The following NTM variants were observed in gnomAD, a reference collection of about 807,000 sequenced individuals.
NTM encodes the protein neurotrimin, also known as IgLON family member 2.
Under a neutral mutation model 42.1 loss-of-function variants are expected in NTM, and 13 were observed. The observed-to-expected ratio is 0.31, with a 90% confidence interval of 0.20 to 0.49. NTM has a LOEUF of 0.49. Ranked by LOEUF, NTM falls within the 20% of genes least tolerant of loss-of-function variation. The probability of loss-of-function intolerance (pLI) is 0.99; values close to 1 mark genes in which losing one functional copy is unlikely to be tolerated. For synonymous variants in NTM, 187 were observed against 179.2 expected (o/e 1.04, Z -0.35); for missense variants, 373 against 452.8 (o/e 0.82, Z 1.60).
intron 2 of NTM, among the ~76,000 whole-genome samples, chr11:132,117,058 T>C (rs946626024): frequency 3.3e-5 from 5 of 152,198 alleles, no homozygotes; most frequent in African/African-American, 1.2e-4. Context: ...CCCAAAGTCA[T>C]AGAAGTCCAA....
At chr11:131,891,687 A>G (rs1408857977) in intron 1 of NTM, among the ~76,000 whole-genome samples, 1 of 152,162 alleles carries the variant, frequency 6.6e-6, no homozygotes, top group Non-Finnish European at 1.5e-5. Flanking sequence ...TGAGCCTGGC[A>G]GTGTCTATAA....
chr11:131,601,654 A>T (rs936564795), intron 1 of NTM, among the ~76,000 whole-genome samples: 16 of 151,956 alleles, frequency 1.1e-4, no homozygotes, highest in Admixed American at 2.6e-4. Context: ...CCTGGAGCAC[A>T]GTATGAAAAC....
chr11:131,407,961 C>T (rs75615840), intron 1 of NTM, among the ~76,000 whole-genome samples: 4,260 of 152,292 alleles, frequency 0.028, 196 homozygotes, highest in African/African-American at 0.097. Context: ...GGTACTTATT[C>T]ACTGGTTACT....
chr11:131,576,953 C>G (rs2057995454), intron 1 of NTM, among the ~76,000 whole-genome samples: 1 of 152,134 alleles, frequency 6.6e-6, no homozygotes. Context: ...AGCACTGTGC[C>G]TAGCCCATTG....
intron 2 of NTM, among the ~76,000 whole-genome samples, chr11:132,132,001 A>G (rs1205667469): frequency 6.6e-6 from 1 of 152,266 alleles, no homozygotes; most frequent in Non-Finnish European, 1.5e-5. Flanking sequence ...AATAGAGAGC[A>G]TCATCAAAGG....
At chr11:131,956,165 G>A (rs1044256644) in intron 2 of NTM, among the ~76,000 whole-genome samples, 1 of 152,156 alleles carries the variant, frequency 6.6e-6, no homozygotes, top group Non-Finnish European at 1.5e-5. Context: ...CCCAGTCAGG[G>A]CCAGGCGCAG....
At chr11:132,306,065 T>G (rs555579512) in intron 4 of NTM, among the ~76,000 whole-genome samples, 5 of 152,182 alleles carry the variant, frequency 3.3e-5, no homozygotes, top group South Asian at 2.1e-4. Flanking sequence ...GAGGCCCCGG[T>G]TGGGCCTACT....
At chr11:132,263,085 T>C (rs1375487286) in intron 4 of NTM, among the ~76,000 whole-genome samples, 1 of 152,224 alleles carries the variant, frequency 6.6e-6, no homozygotes, top group Non-Finnish European at 1.5e-5. Context: ...CCTCTTTTGC[T>C]ACAGGAATAT....
chr11:131,722,021 A>AAAAAAGGG (rs368857349), intron 1 of NTM, among the ~76,000 whole-genome samples: 1 of 112,746 alleles, frequency 8.9e-6, no homozygotes, highest in African/African-American at 3.4e-5. Flanking sequence ...AAAAAAAAAA[A>AAAAAAGGG]AGAGAGAAAG....
intron 2 of NTM, among the ~76,000 whole-genome samples, chr11:131,917,477 A>G (rs773079530): frequency 3.2e-4 from 49 of 152,288 alleles, no homozygotes; most frequent in Non-Finnish European, 2.5e-4. Flanking sequence ...ATTTGCACCC[A>G]TGACACTTAC....
intron 3 of NTM, among the ~76,000 whole-genome samples, chr11:132,165,289 G>T (rs1180587794): frequency 6.6e-6 from 1 of 152,154 alleles, no homozygotes; most frequent in Non-Finnish European, 1.5e-5. Flanking sequence ...TCTCAAGATA[G>T]ATAGAGGACT....
chr11:132,300,644 C>T (rs1352505047), intron 4 of NTM, among the ~76,000 whole-genome samples: 1 of 152,196 alleles, frequency 6.6e-6, no homozygotes, highest in South Asian at 2.1e-4. Context: ...CCTGTTGCAG[C>T]GGATATTGCT....
chr11:131,850,816 G>A (rs754954126), intron 1 of NTM, among the ~76,000 whole-genome samples: 1 of 152,326 alleles, frequency 6.6e-6, no homozygotes, highest in Non-Finnish European at 1.5e-5. Flanking sequence ...TTTAATTCAG[G>A]TGTGGGCTGA....
intron 1 of NTM, among the ~76,000 whole-genome samples, chr11:131,558,882 C>A (rs2055825985): frequency 6.6e-6 from 1 of 151,820 alleles, no homozygotes; most frequent in Non-Finnish European, 1.5e-5. Flanking sequence ...TTCTTATGTA[C>A]CATTCTACAG....
intron 1 of NTM, among the ~76,000 whole-genome samples, chr11:131,415,668 T>C (rs1946869419): frequency 6.6e-6 from 1 of 152,082 alleles, no homozygotes; most frequent in South Asian, 2.1e-4. Context: ...ATTCCCAGGC[T>C]CAACTCCAGG....
intron 1 of NTM, among the ~76,000 whole-genome samples, chr11:131,723,318 A>T (rs2135416222): frequency 6.6e-6 from 1 of 152,324 alleles, no homozygotes; most frequent in African/African-American, 2.4e-5. Context: ...TGGATGGGAG[A>T]GTGTAGAGCC....
chr11:131,483,482 A>C (rs1242869011), intron 1 of NTM, among the ~76,000 whole-genome samples: 1 of 152,202 alleles, frequency 6.6e-6, no homozygotes, highest in Non-Finnish European at 1.5e-5. Context: ...CTCCACTCGG[A>C]GTAGGAGTCT....
chr11:132,186,270 G>A (rs1309323268), intron 3 of NTM, among the ~76,000 whole-genome samples: 2 of 152,160 alleles, frequency 1.3e-5, no homozygotes, highest in Non-Finnish European at 2.9e-5. Flanking sequence ...TCCCCATGAG[G>A]AGTGTAAGTC....
intron 2 of NTM, among the ~76,000 whole-genome samples, chr11:132,098,093 AG>A (rs887443343): frequency 3.3e-5 from 5 of 152,256 alleles, no homozygotes; most frequent in African/African-American, 1.2e-4. Context: ...AAGTTAAAAC[AG>A]CTAGGATATT....
Sources: gnomAD v4.1 joint callset for allele counts (sites outside exome capture counted in the v4.1 genomes callset) on GRCh38, gnomAD v4.1.1 for gene constraint, MANE v1.5 for transcripts, NCBI Gene and HGNC (gene_info 2026-07-23, HGNC 2026-07-21) for gene names.